The following SIRPA variants were observed in gnomAD, a reference collection of about 807,000 sequenced individuals.
SIRPA encodes the protein signal regulatory protein alpha, also known as tyrosine-protein phosphatase non-receptor type substrate 1.
In SIRPA, 9 loss-of-function variants were observed where a neutral mutation model predicts 50.3. The ratio of observed to expected loss-of-function variants is 0.18; its 90% CI spans 0.11 to 0.31. SIRPA has a LOEUF of 0.31. Ranked by LOEUF, SIRPA falls within the 10% of genes least tolerant of loss-of-function variation. The pLI, the probability that SIRPA is intolerant of heterozygous loss-of-function variation, is 1.00. For synonymous variants in SIRPA, 265 were observed against 284.1 expected (o/e 0.93, Z 0.68); for missense variants, 474 against 661.6 (o/e 0.72, Z 3.11).
At chr20:1,902,178 G>A (rs1178524584) in intron 1 of SIRPA, among the ~76,000 whole-genome samples, 3 of 152,118 alleles carry the variant, frequency 2.0e-5, no homozygotes, top group Non-Finnish European at 2.9e-5. Context: ...TTTTGCTAGG[G>A]AGAGGAGAAT....
At chr20:1,904,035 G>C (rs906850973) in intron 1 of SIRPA, among the ~76,000 whole-genome samples, 1 of 152,102 alleles carries the variant, frequency 6.6e-6, no homozygotes, top group African/African-American at 2.4e-5. Context: ...AGAACAAGGT[G>C]GGTACTAAAA....
In SIRPA at chr20:1,924,542, C is replaced by A. The variant is rs1006680001; in HGVS notation, c.1088-222C>A. Among the ~76,000 whole-genome samples the A allele has an allele frequency of 6.6e-6, 1 of 152,082 alleles. No homozygotes were observed. Among genetic ancestry groups the A allele is most frequent in the Non-Finnish European group, 1.5e-5 (1 of 68,020 alleles). On this transcript the variant is annotated intron_variant, in intron 4 of 7. Transcript: ENST00000358771. This position sits in a 1 kb window ranked among gnomAD's most constrained non-coding sequence, Gnocchi z 4.5. ...CGTAGCTGTCAGCTACAAATATATT[C>A]CCCCCTGGCACCTCAGCATGGTTTT...
intron 2 of SIRPA, 107 bp from the exon 3 acceptor site, chr20:1,921,288 G>A: frequency 1.9e-6 from 3 of 1,576,152 alleles, no homozygotes; most frequent in East Asian, 2.3e-5. Flanking sequence ...CCACATTATT[G>A]GAAGGATAAA....
chr20:1,913,658 C>G (rs1044526702), intron 1 of SIRPA, among the ~76,000 whole-genome samples: 2 of 152,342 alleles, frequency 1.3e-5, no homozygotes, highest in East Asian at 1.9e-4. Flanking sequence ...TCCTTCTCCC[C>G]TATTCTAGCT....
chr20:1,917,619 A>G (rs1568503610), intron 2 of SIRPA, among the ~76,000 whole-genome samples: 1 of 152,204 alleles, frequency 6.6e-6, no homozygotes. Flanking sequence ...GTCTCATGAT[A>G]TGGGAACTTG....
At chr20:1,902,075 AT>A (rs1488396398) in intron 1 of SIRPA, among the ~76,000 whole-genome samples, 2 of 152,132 alleles carry the variant, frequency 1.3e-5, no homozygotes, top group Non-Finnish European at 2.9e-5. Context: ...ATTTTGGAAA[AT>A]TTCAAACATA....
At position 1,934,520 on chromosome 20, in the gene SIRPA, T is replaced by C. The variant is rs1268295385; in HGVS notation, c.1227-195T>C. On this transcript the variant is annotated intron_variant, in intron 6 of 7. Coordinates refer to ENST00000358771, the MANE Select transcript of SIRPA (RefSeq NM_001040023.2). This position sits in a 1 kb window ranked among gnomAD's most constrained non-coding sequence, Gnocchi z 4.6. ...AGTAGGTTAAAAAAATGATAGTGCA[T>C]TGCTTAGAATTCCTTTTTAGTGAGA... is the stretch of plus-strand genomic sequence containing the variant. Among the ~76,000 whole-genome samples, 1 of 152,248 alleles carries C rather than the reference T, an allele frequency of 6.6e-6. No homozygotes were observed.
At chr20:1,903,134 T>A (rs560704643) in intron 1 of SIRPA, among the ~76,000 whole-genome samples, 115 of 152,018 alleles carry the variant, frequency 7.6e-4, no homozygotes, top group Middle Eastern at 3.4e-3. Context: ...AGGAATGAGC[T>A]TGTATGTTCC....
chr20:1,930,572 G>GT (rs1268166792), intron 6 of SIRPA, among the ~76,000 whole-genome samples: 4 of 152,138 alleles, frequency 2.6e-5, no homozygotes, highest in South Asian at 4.2e-4. Flanking sequence ...TCTCTTTTTT[G>GT]TTTTTTTTGT....
At chr20:1,901,209 C>T (rs1388842234) in intron 1 of SIRPA, among the ~76,000 whole-genome samples, 10 of 126,416 alleles carry the variant, frequency 7.9e-5, no homozygotes, top group African/African-American at 1.5e-4. Flanking sequence ...CTTGCTCTGT[C>T]GCCCAGGCTG....
chr20:1,930,649 G>A (rs1363681675), intron 6 of SIRPA, among the ~76,000 whole-genome samples: 1 of 152,146 alleles, frequency 6.6e-6, no homozygotes, highest in African/African-American at 2.4e-5. Context: ...GGAGTGCAGT[G>A]GTGCGATCTT....
At chr20:1,905,448 A>T (rs976733872) in intron 1 of SIRPA, among the ~76,000 whole-genome samples, 1 of 152,184 alleles carries the variant, frequency 6.6e-6, no homozygotes, top group Non-Finnish European at 1.5e-5. Flanking sequence ...ACTCTGGGCC[A>T]GGATGTCCTG....
chr20:1,934,700 C>CT lies in SIRPA; in HGVS notation c.1227-14dup. 1.2e-6 allele frequency: 2 copies of CT among 1,613,798 alleles called. No individual in the cohort carries two copies. Among genetic ancestry groups the CT allele is most frequent in the Non-Finnish European group, 8.5e-7 (1 of 1,179,808 alleles). The stretch of plus-strand genomic sequence containing the variant: ...AGTGAGGGTATTTTTATCTGTGTGT[C>CT]TCTTTCCTTTTTAGGTTGCATGAGC... On this transcript the variant is annotated splice_polypyrimidine_tract_variant and intron_variant, in intron 6 of 7. Transcript: ENST00000358771. This position sits in a 1 kb window ranked among gnomAD's most constrained non-coding sequence, Gnocchi z 4.6.
intron 1 of SIRPA, among the ~76,000 whole-genome samples, chr20:1,896,356 C>T (rs1017032261): frequency 6.6e-6 from 1 of 150,514 alleles, no homozygotes; most frequent in Non-Finnish European, 1.5e-5. Context: ...CTGAAGGCTA[C>T]TGTGCATGTT....
At chr20:1,913,123 A>G (rs1985003216) in intron 1 of SIRPA, among the ~76,000 whole-genome samples, 1 of 152,246 alleles carries the variant, frequency 6.6e-6, no homozygotes, top group Non-Finnish European at 1.5e-5. Context: ...CTTCCTGATA[A>G]TAAAAGCAGT....
At position 1,934,850 on chromosome 20, in the gene SIRPA, C is replaced by T. The variant is rs930206500; in HGVS notation, c.1266+96C>T. 9 of 1,348,624 alleles carry T rather than the reference C, an allele frequency of 6.7e-6. No homozygotes were observed. The highest frequency in any genetic ancestry group is 9.6e-6 in the Non-Finnish European group (9 of 939,306). The allele number at this position is 1,348,624 out of a possible 1,614,324, so 83.5% of individuals were successfully genotyped here. The stretch of plus-strand genomic sequence containing the variant: ...CAGATCTGGTTCTAAATTAAGACTC[C>T]TTGTGGGGTGGAGGGTGGAGGATCT... On this transcript the variant is annotated intron_variant, in intron 7 of 7. Transcript: ENST00000358771. The surrounding 1 kb of genome is among the most constrained non-coding windows in gnomAD (Gnocchi z 4.6).
chr20:1,911,662 G>A (rs985165239), intron 1 of SIRPA, among the ~76,000 whole-genome samples: 1 of 152,140 alleles, frequency 6.6e-6, no homozygotes, highest in African/African-American at 2.4e-5. Context: ...CCCAGCAAAG[G>A]CTGGTGAACA....
chr20:1,927,191 G>A lies in SIRPA; in HGVS notation c.1202-684G>A, dbSNP rs572506233. Among the ~76,000 whole-genome samples, 19 of 152,316 alleles carry A rather than the reference G, an allele frequency of 1.2e-4. No individual in the cohort carries two copies. The highest frequency in any genetic ancestry group is 4.6e-4 in the African/African-American group (19 of 41,556). ...AGTGCGGTGCAGAGTGCATTTGGGTGTGCATGTTGCTTTTTAATTACAATT... is the reference window on the plus strand; with the variant it reads ...AGTGCGGTGCAGAGTGCATTTGGGTATGCATGTTGCTTTTTAATTACAATT... On this transcript the variant is annotated intron_variant, in intron 5 of 7. Coordinates refer to ENST00000358771, the MANE Select transcript of SIRPA (RefSeq NM_001040023.2). This position sits in a 1 kb window ranked among gnomAD's most constrained non-coding sequence, Gnocchi z 6.5.
At position 1,915,316 on chromosome 20, in the gene SIRPA, A is replaced by G; in HGVS notation, c.297A>G (p.Arg99=). Residue 99 remains arginine, a synonymous_variant, in exon 2 of 8, where the codon AGA becomes AGG. Transcript: ENST00000358771. ...CAACTGTTTCAGACCTCACAAAGAGAAACAACATGGACTTTTCCATCCGCA... is the reference window on the plus strand; with the variant it reads ...CAACTGTTTCAGACCTCACAAAGAGGAACAACATGGACTTTTCCATCCGCA... ...RVTTVSDLTK[R]NNMDFSIRIG... 1 of 1,613,470 alleles carries G rather than the reference A, an allele frequency of 6.2e-7. No individual in the cohort carries two copies. Among genetic ancestry groups the G allele is most frequent in the Non-Finnish European group, 8.5e-7 (1 of 1,179,718 alleles).
Sources: allele counts gnomAD v4.1 joint callset (sites outside exome capture counted in the v4.1 genomes callset), GRCh38; gene constraint gnomAD v4.1.1; non-coding constraint Gnocchi (gnomAD v3.1); transcripts MANE v1.5; gene names NCBI Gene and HGNC (gene_info 2026-07-23, HGNC 2026-07-21).